The following HDAC9 variants were observed in gnomAD, a reference collection of about 807,000 sequenced individuals.
HDAC9 encodes histone deacetylase 9, also known as MEF-2 interacting transcription repressor (MITR) protein.
A neutral mutation model predicts 139.4 loss-of-function variants in HDAC9; 41 were observed. The ratio of observed to expected loss-of-function variants is 0.29; its 90% CI spans 0.23 to 0.38. The LOEUF (loss-of-function observed/expected upper bound fraction) is 0.38, where lower values mean the gene tolerates loss of function less well. Ranked by LOEUF, HDAC9 falls within the 10% of genes least tolerant of loss-of-function variation. The pLI is 1.00. For missense variants in HDAC9, 1,147 were observed against 1,297.0 expected (o/e 0.88, Z 1.78); for synonymous variants, 517 against 476.2 (o/e 1.09, Z -1.12).
intron 17 of HDAC9, among the ~76,000 whole-genome samples, chr7:18,811,651 A>C (rs914473413): frequency 2.0e-5 from 3 of 151,730 alleles, no homozygotes; most frequent in Non-Finnish European, 4.4e-5. Flanking sequence ...ATAATTTTTT[A>C]TCTCTTCCTA....
Position 18,597,036 on chromosome 7 carries a change from A to G in HDAC9, c.664+3007A>G, listed in dbSNP as rs561224554. 2.0e-5 allele frequency among the ~76,000 whole-genome samples: 3 copies of G among 152,230 alleles called. No homozygotes were observed. In the South Asian group the frequency reaches 6.2e-4, roughly 32 times the overall value. Reference sequence around the variant, plus strand: ...TGATAACCCGGGAACAGTTAACTACAGAAACCTCATTTGCCTGCAGAAATC... The same window carrying G: ...TGATAACCCGGGAACAGTTAACTACGGAAACCTCATTTGCCTGCAGAAATC... On this transcript the variant is annotated intron_variant, in intron 6 of 25. Transcript: ENST00000686413.
rs897514197 is a variant in HDAC9, at chr7:18,666,648, T to C, written c.1731+172T>C. 12 of 1,413,988 alleles carry C rather than the reference T, an allele frequency of 8.5e-6. No homozygotes were observed. In the African/African-American group the frequency reaches 8.7e-5, roughly 10 times the overall value. 87.6% of individuals were successfully genotyped at this position (1,413,988 alleles called of 1,614,324 possible). On this transcript the variant is annotated intron_variant, in intron 12 of 25. Transcript: ENST00000686413. Reference sequence around the variant, plus strand: ...ATGCAGATATATGTATATATCTATATAGAGGTCTTTCTATATACTGATCTC... The same window carrying C: ...ATGCAGATATATGTATATATCTATACAGAGGTCTTTCTATATACTGATCTC...
chr7:18,588,491 G>A (rs748710585), intron 3 of HDAC9, among the ~76,000 whole-genome samples: 2 of 152,098 alleles, frequency 1.3e-5, no homozygotes, highest in African/African-American at 2.4e-5. Context: ...CACATAGCCT[G>A]AAGGTAATTT....
At chr7:18,828,758 C>T (rs545149196) in intron 17 of HDAC9, among the ~76,000 whole-genome samples, 6 of 152,154 alleles carry the variant, frequency 3.9e-5, no homozygotes, top group African/African-American at 1.4e-4. Context: ...TTTGGATCTT[C>T]TCTGGTCTTT....
chr7:18,994,626 G>C (rs1306984085), intron 25 of HDAC9, among the ~76,000 whole-genome samples: 1 of 152,180 alleles, frequency 6.6e-6, no homozygotes, highest in African/African-American at 2.4e-5. Context: ...TTAAAAGGAT[G>C]CTTTAAAAAT....
At chr7:18,470,033 T>C (rs796823890) in intron 1 of HDAC9, among the ~76,000 whole-genome samples, 14 of 152,262 alleles carry the variant, frequency 9.2e-5, no homozygotes, top group African/African-American at 3.1e-4. Flanking sequence ...CAAGTATATA[T>C]ATTTTTTTAA....
intron 2 of HDAC9, among the ~76,000 whole-genome samples, chr7:18,525,069 C>A (rs766566275): frequency 4.0e-5 from 6 of 151,870 alleles, no homozygotes; most frequent in Non-Finnish European, 5.9e-5. Context: ...GTATGCTATT[C>A]ATTACAAACT....
At chr7:18,840,413 C>G (rs1394743804) in intron 21 of HDAC9, among the ~76,000 whole-genome samples, 3 of 152,016 alleles carry the variant, frequency 2.0e-5, no homozygotes, top group Non-Finnish European at 2.9e-5. Context: ...CAGAAGGACT[C>G]TCTTGCACTG....
At chr7:18,735,181 T>C (rs867617567) in intron 13 of HDAC9, among the ~76,000 whole-genome samples, 6 of 152,324 alleles carry the variant, frequency 3.9e-5, no homozygotes, top group Middle Eastern at 3.4e-3. Context: ...CTCCATTCTG[T>C]AGGTTGCCTG....
rs1327735373 is a variant in HDAC9 at position 18,531,784 on chromosome 7, TC to T, written c.22+35461del. Among the ~76,000 whole-genome samples the T allele has an allele frequency of 2.0e-5, 3 of 152,204 alleles. No individual in the cohort carries two copies. The East Asian group carries it at 5.8e-4, about 29-fold the overall frequency. ...ACCCTTAACCTCCGAGAACCACACT[TC>T]TACTGTTGGAGTTCTATTGAACTCC... On this transcript the variant is annotated intron_variant, in intron 2 of 25. Coordinates refer to ENST00000686413, the MANE Select transcript of HDAC9 (RefSeq NM_178425.4).
At chr7:18,190,377 G>T (rs573286113) in intron 2 of HDAC9, among the ~76,000 whole-genome samples, 43 of 152,274 alleles carry the variant, frequency 2.8e-4, no homozygotes, top group African/African-American at 9.6e-4. Flanking sequence ...ATATGTATTT[G>T]TGTGTTTGAA....
intron 2 of HDAC9, among the ~76,000 whole-genome samples, chr7:18,528,769 A>G (rs1586703412): frequency 6.6e-6 from 1 of 152,304 alleles, no homozygotes; most frequent in East Asian, 1.9e-4. Context: ...CTTATTATGG[A>G]ATATAGTTGA....
At chr7:18,882,345 C>T (rs1406680756) in intron 22 of HDAC9, among the ~76,000 whole-genome samples, 3 of 151,948 alleles carry the variant, frequency 2.0e-5, no homozygotes, top group African/African-American at 7.3e-5. Context: ...TAATATTTCC[C>T]TTTAATAGGA....
At chr7:18,585,790 C>T (rs1396728018) in intron 3 of HDAC9, among the ~76,000 whole-genome samples, 1 of 152,040 alleles carries the variant, frequency 6.6e-6, no homozygotes, top group Non-Finnish European at 1.5e-5. Flanking sequence ...TTTAGATTCT[C>T]TCCTACGTGA....
intron 1 of HDAC9, among the ~76,000 whole-genome samples, chr7:18,126,422 G>T (rs1167414401): frequency 6.6e-6 from 1 of 152,110 alleles, no homozygotes; most frequent in East Asian, 1.9e-4. Context: ...TACTGTTTAT[G>T]AGCCTTATCC....
chr7:18,212,030 C>T (rs1047735310), intron 2 of HDAC9, among the ~76,000 whole-genome samples: 1 of 152,132 alleles, frequency 6.6e-6, no homozygotes, highest in African/African-American at 2.4e-5. Flanking sequence ...GATTCTCTGA[C>T]TGTGTTTCTT....
chr7:18,420,439 T>C (rs192873625), intron 1 of HDAC9, among the ~76,000 whole-genome samples: 63 of 152,354 alleles, frequency 4.1e-4, no homozygotes, highest in African/African-American at 1.5e-3. Flanking sequence ...GGTATAATAA[T>C]ATAACAATAA....
chr7:18,708,622 A>C (rs1784115024), intron 12 of HDAC9, among the ~76,000 whole-genome samples: 1 of 152,208 alleles, frequency 6.6e-6, no homozygotes, highest in Non-Finnish European at 1.5e-5. Context: ...AATGGAAGCC[A>C]GGTGAGGTCT....
intron 7 of HDAC9, among the ~76,000 whole-genome samples, chr7:18,631,816 G>A (rs925044309): frequency 2.0e-5 from 3 of 151,784 alleles, no homozygotes; most frequent in African/African-American, 7.3e-5. Flanking sequence ...TCAAGCTCCA[G>A]TTCCAATATC....
Sources: gnomAD v4.1 joint callset for allele counts (sites outside exome capture counted in the v4.1 genomes callset) on GRCh38, gnomAD v4.1.1 for gene constraint, MANE v1.5 for transcripts, NCBI Gene and HGNC (gene_info 2026-07-23, HGNC 2026-07-21) for gene names.